The following MIA2 variants were observed in gnomAD, a reference collection of about 807,000 sequenced individuals.
MIA2 encodes the protein MIA SH3 domain ER export factor 2, also known as melanoma inhibitory activity protein 2.
MIA2 carries 127 observed loss-of-function variants against 167.8 expected under a neutral mutation model. The ratio of observed to expected loss-of-function variants is 0.76; its 90% CI spans 0.66 to 0.88. The LOEUF is 0.88. MIA2 is among the 40% of genes least tolerant of loss of function. MIA2 has a pLI of 0.00. For synonymous variants in MIA2, 552 were observed against 541.9 expected (o/e 1.02, Z -0.26); for missense variants, 1,690 against 1,624.7 (o/e 1.04, Z -0.69).
intron 10 of MIA2, chr14:39,292,828 G>T (rs1278715368): frequency 1.2e-5 from 2 of 166,234 alleles, no homozygotes; most frequent in Non-Finnish European, 2.6e-5. Flanking sequence ...AAGCAGCCTT[G>T]ATTTTTTTTT....
At chr14:39,307,529 G>A (rs2063555201) in intron 17 of MIA2, among the ~76,000 whole-genome samples, 2 of 148,438 alleles carry the variant, frequency 1.3e-5, no homozygotes, top group Non-Finnish European at 3.0e-5. Flanking sequence ...AGCCTCCCAA[G>A]TAGCTGGGAT....
chr14:39,279,423 T>C (rs1267733082), intron 8 of MIA2, 26 bp from the exon 9 acceptor site: 2 of 1,601,746 alleles, frequency 1.2e-6, no homozygotes, highest in Non-Finnish European at 8.5e-7. Context: ...AATTTACTCA[T>C]GGTAATATTG....
chr14:39,333,061 T>G (rs1336019910), intron 25 of MIA2, among the ~76,000 whole-genome samples: 3 of 152,216 alleles, frequency 2.0e-5, no homozygotes, highest in Non-Finnish European at 4.4e-5. Context: ...TTTTTATTCA[T>G]TATAAGCATT....
At chr14:39,321,176 C>T (rs2066359078) in intron 24 of MIA2, 120 bp downstream of exon 24, 1 of 909,026 alleles carries the variant, frequency 1.1e-6, no homozygotes, top group Admixed American at 3.1e-5. Context: ...CTTGCACTTA[C>T]TGTAGATAAC....
chr14:39,256,451 T>G (rs2054819625), intron 6 of MIA2, among the ~76,000 whole-genome samples: 1 of 152,190 alleles, frequency 6.6e-6, no homozygotes, highest in Non-Finnish European at 1.5e-5. Context: ...GTAGATTTTG[T>G]GCAGAACATA....
At chr14:39,327,925 A>T (rs1322880934) in intron 25 of MIA2, among the ~76,000 whole-genome samples, 1 of 152,192 alleles carries the variant, frequency 6.6e-6, no homozygotes, top group Non-Finnish European at 1.5e-5. Flanking sequence ...TGCCGCAATA[A>T]ATATACATGT....
At chr14:39,275,662 C>T (rs553573855) in intron 6 of MIA2, among the ~76,000 whole-genome samples, 65 of 152,252 alleles carry the variant, frequency 4.3e-4, no homozygotes, top group African/African-American at 1.5e-3. Flanking sequence ...AAGTAAGATG[C>T]TTGGAAAATG....
intron 24 of MIA2, among the ~76,000 whole-genome samples, chr14:39,325,686 C>T (rs2152989661): frequency 6.7e-6 from 1 of 149,016 alleles, no homozygotes; most frequent in Non-Finnish European, 1.5e-5. Flanking sequence ...TTATATTTGT[C>T]TTTTCCATTT....
intron 19 of MIA2, among the ~76,000 whole-genome samples, chr14:39,313,715 T>A (rs1347322591): frequency 6.6e-6 from 1 of 152,166 alleles, no homozygotes; most frequent in Non-Finnish European, 1.5e-5. Context: ...ACAATTCTAT[T>A]TTATGTTAGT....
chr14:39,277,744 GTGTGTATATATATATA>G (rs2058336269), intron 7 of MIA2, among the ~76,000 whole-genome samples: 1 of 2,200 alleles, frequency 4.5e-4, no homozygotes, highest in African/African-American at 1.6e-3. Context: ...ATATATATAT[GTGTGTATATATATATA>G]TATATATATA....
intron 11 of MIA2, 89 bp from the exon 12 acceptor site, chr14:39,293,909 TAA>T: frequency 1.0e-6 from 1 of 965,750 alleles, no homozygotes; most frequent in Admixed American, 2.3e-5. Flanking sequence ...CTTATGGAGC[TAA>T]AGTGTTAGGT....
rs759995143 is a variant in MIA2, at chr14:39,288,432, CATATAT to C, written c.2131-2548_2131-2543del. ...TTGATTTGAGCGTGTATATATTATACATATATATATATATATATATATATATATATA... is the reference window on the plus strand; with the variant it reads ...TTGATTTGAGCGTGTATATATTATACATATATATATATATATATATATATA... On this transcript the variant is annotated intron_variant, in intron 9 of 28. Transcript: ENST00000640607. Among the ~76,000 whole-genome samples the C allele has an allele frequency of 3.8e-3, 201 of 52,810 alleles. 5 individuals are homozygous for C. Among genetic ancestry groups the C allele is most frequent in the African/African-American group, 7.8e-3 (98 of 12,544 alleles). The allele number at this position is 52,810 out of a possible 152,430, so 34.6% of individuals were successfully genotyped here. A position where few individuals can be genotyped will look rare whatever the true frequency, so the allele number is the denominator to read the frequency against.
chr14:39,245,190 C>T (rs1259361430), intron 3 of MIA2, among the ~76,000 whole-genome samples: 1 of 151,404 alleles, frequency 6.6e-6, no homozygotes, highest in South Asian at 2.1e-4. Flanking sequence ...GTCCTCCTGC[C>T]TTGGCCTCCC....
At chr14:39,347,855 ATTG>A in intron 27 of MIA2, 84 bp downstream of exon 27, 1 of 1,225,044 alleles carries the variant, frequency 8.2e-7, no homozygotes, top group African/African-American at 2.2e-5. Flanking sequence ...GAGTTTCACT[ATTG>A]TTGCCCAAGC....
At position 39,327,030 on chromosome 14, in the gene MIA2, A is replaced by G. The variant is rs2067705736; in HGVS notation, c.3655+8A>G. 1 of 1,483,652 alleles carries G rather than the reference A, an allele frequency of 6.7e-7. No individual in the cohort carries two copies. The allele number at this position is 1,483,652 out of a possible 1,614,324, so 91.9% of individuals were successfully genotyped here. Reference sequence around the variant, plus strand: ...TGATGTTTCCTCCGCCAGGTATGTAAAGACAATAGTTATTATTTCTCTTTG... The same window carrying G: ...TGATGTTTCCTCCGCCAGGTATGTAGAGACAATAGTTATTATTTCTCTTTG... On this transcript the variant is annotated splice_region_variant and intron_variant, in intron 25 of 28. Coordinates refer to ENST00000640607, the MANE Select transcript of MIA2 (RefSeq NM_001329214.4).
intron 3 of MIA2, among the ~76,000 whole-genome samples, chr14:39,246,656 A>C (rs2054326711): frequency 6.6e-6 from 1 of 152,198 alleles, no homozygotes; most frequent in Non-Finnish European, 1.5e-5. Flanking sequence ...GCTCTGCTCC[A>C]GCCTGGGAGC....
Position 39,247,218 on chromosome 14 carries a change from C to T in MIA2, c.644C>T (p.Pro215Leu). Residue 215 changes from proline to leucine, a missense_variant, in exon 4 of 29, where the codon CCA (proline) becomes CTA (leucine). Coordinates refer to ENST00000640607, the MANE Select transcript of MIA2 (RefSeq NM_001329214.4). ...GATCGTATTCCAGAAGTGCATGTCC[C>T]ACCATCTTCAGCTGTGTCTGGAGTC... ...EQDRIPEVHV[P>L]PSSAVSGVKE... The T allele has an allele frequency of 6.2e-7, 1 of 1,614,088 alleles. No individual in the cohort carries two copies. The highest frequency in any genetic ancestry group is 8.5e-7 in the Non-Finnish European group (1 of 1,180,000).
At chr14:39,321,156 A>C (rs1168528524) in intron 24 of MIA2, 100 bp downstream of exon 24, 1 of 1,178,584 alleles carries the variant, frequency 8.5e-7, no homozygotes, top group Non-Finnish European at 1.2e-6. Context: ...TTTGGAAAAT[A>C]CAGGCATTCC....
chr14:39,332,707 G>A (rs1188515483), intron 25 of MIA2, among the ~76,000 whole-genome samples: 1 of 151,990 alleles, frequency 6.6e-6, no homozygotes, highest in Non-Finnish European at 1.5e-5. Flanking sequence ...TCCCAGGTGA[G>A]GTGACGCCCA....
Sources: gnomAD v4.1 joint callset for allele counts (sites outside exome capture counted in the v4.1 genomes callset) on GRCh38, gnomAD v4.1.1 for gene constraint, MANE v1.5 for transcripts, NCBI Gene and HGNC (gene_info 2026-07-23, HGNC 2026-07-21) for gene names.